LRRC75A: variants seen among roughly 807,000 people sequenced by gnomAD.
LRRC75A encodes leucine-rich repeat-containing protein 75A.
A neutral mutation model predicts 26.0 loss-of-function variants in LRRC75A; 12 were observed. The ratio of observed to expected loss-of-function variants is 0.46; its 90% confidence interval spans 0.30 to 0.75. The LOEUF (loss-of-function observed/expected upper bound fraction) is 0.75. LRRC75A is among the 30% of genes least tolerant of loss of function. The pLI is 0.08. For synonymous variants in LRRC75A, 223 were observed against 219.3 expected (o/e 1.02, Z -0.15); for missense variants, 410 against 486.6 (o/e 0.84, Z 1.48).
Position 16,447,834 on chromosome 17 carries a change from G to A in LRRC75A, c.491+11C>T. 1 of 1,530,300 alleles carries A rather than the reference G, an allele frequency of 6.5e-7. No homozygotes were observed. Among genetic ancestry groups the A allele is most frequent in the Non-Finnish European group, 8.8e-7 (1 of 1,133,942 alleles). The allele number at this position is 1,530,300 out of a possible 1,614,324, so 94.8% of individuals were successfully genotyped here. A position where few individuals can be genotyped will look rare whatever the true frequency, so the allele number is the denominator to read the frequency against. On this transcript the variant is annotated intron_variant, in intron 3 of 3. Coordinates refer to ENST00000470794, the MANE Select transcript of LRRC75A (RefSeq NM_001113567.3). ...GCCTGGCATAGACCTGCCCGGGGGAGTGTAACTCACCAGGCCTGTGGCTTC... is the reference window on the plus strand; with the variant it reads ...GCCTGGCATAGACCTGCCCGGGGGAATGTAACTCACCAGGCCTGTGGCTTC...
At chr17:16,467,937 CA>C (rs529485465) in intron 1 of LRRC75A, among the ~76,000 whole-genome samples, 378 of 152,348 alleles carry the variant, frequency 2.5e-3, no homozygotes, top group African/African-American at 8.9e-3. Flanking sequence ...ACTACTCCAA[CA>C]TCCCCCACTT....
At chr17:16,460,541 C>T (rs945030722) in intron 2 of LRRC75A, among the ~76,000 whole-genome samples, 6 of 151,948 alleles carry the variant, frequency 3.9e-5, no homozygotes, top group African/African-American at 4.8e-5. Context: ...GAGGGGAGCT[C>T]GGCTGCTCCC....
At chr17:16,446,916 C>A (rs1255320375) in intron 3 of LRRC75A, 3 of 369,664 alleles carry the variant, frequency 8.1e-6, no homozygotes, top group Non-Finnish European at 1.1e-5. Context: ...TCTCCAGGAT[C>A]CATCTCCTAG....
chr17:16,484,292 C>T (rs183967851), intron 1 of LRRC75A, among the ~76,000 whole-genome samples: 199 of 152,140 alleles, frequency 1.3e-3, no homozygotes, highest in African/African-American at 4.5e-3. Flanking sequence ...GCCAAGATGG[C>T]GCCATTGCAC....
At chr17:16,449,525 G>A (rs530061763) in intron 2 of LRRC75A, among the ~76,000 whole-genome samples, 37 of 152,230 alleles carry the variant, frequency 2.4e-4, no homozygotes, top group African/African-American at 5.5e-4. Flanking sequence ...AGTGAATACC[G>A]TGATAGCGGC....
At chr17:16,447,994 G>T (rs1267473944) in intron 2 of LRRC75A, 34 bp from the exon 3 acceptor site, 2 of 1,522,308 alleles carry the variant, frequency 1.3e-6, no homozygotes, top group Admixed American at 3.9e-5. Context: ...AGGGCCCTGA[G>T]TGGCTGGGTG....
At chr17:16,483,641 T>C (rs1313893009) in intron 1 of LRRC75A, among the ~76,000 whole-genome samples, 1 of 152,176 alleles carries the variant, frequency 6.6e-6, no homozygotes, top group East Asian at 1.9e-4. Context: ...ATTCTGGAAC[T>C]GGGGAAACTG....
Position 16,443,894 on chromosome 17 carries a change from G to A in LRRC75A, c.729C>T (p.Thr243=). The part of the protein sequence containing the change: ...TTLALNGNRL[T]RAVLRDLTDI... ...CAGTGAGGTCGCGCAGCACGGCCCG[G>A]GTCAACCGGTTGCCATTGAGTGCCA... Residue 243 remains threonine (T), a synonymous_variant, in exon 4 of 4, where the codon ACC becomes ACT. Transcript: ENST00000470794. 3 of 1,613,410 alleles carry A rather than the reference G, an allele frequency of 1.9e-6. No homozygotes were observed. The highest frequency in any genetic ancestry group is 2.5e-6 in the Non-Finnish European group (3 of 1,179,480).
intron 1 of LRRC75A, among the ~76,000 whole-genome samples, chr17:16,468,490 T>C (rs1446681019): frequency 1.3e-5 from 2 of 152,158 alleles, no homozygotes; most frequent in African/African-American, 4.8e-5. Context: ...GTTTCACTTA[T>C]ATGAGGTATG....
At position 16,476,985 on chromosome 17, in the gene LRRC75A, G is replaced by A. The variant is rs369958129; in HGVS notation, c.247-14599C>T. Among the ~76,000 whole-genome samples, 918 of 151,484 alleles carry A rather than the reference G, an allele frequency of 6.1e-3. 9 individuals are homozygous for A. The highest frequency in any genetic ancestry group is 0.026 in the South Asian group (122 of 4,770). On this transcript the variant is annotated intron_variant, in intron 1 of 3. Coordinates refer to ENST00000470794, the MANE Select transcript of LRRC75A (RefSeq NM_001113567.3). ...AATCTCCTGACCTTGTGATCCGCCC[G>A]CCTTGGCCTCCCAAAGTGCTGGGAT...
chr17:16,480,767 C>T (rs1040755316), intron 1 of LRRC75A, among the ~76,000 whole-genome samples: 3 of 152,180 alleles, frequency 2.0e-5, no homozygotes, highest in Admixed American at 2.0e-4. Flanking sequence ...AGGGGCAGCA[C>T]AGGTCCTCTG....
chr17:16,480,447 C>T (rs568326945), intron 1 of LRRC75A, among the ~76,000 whole-genome samples: 2 of 151,968 alleles, frequency 1.3e-5, no homozygotes, highest in South Asian at 4.2e-4. Context: ...CTGAGCAACA[C>T]GGTGAAACCC....
intron 2 of LRRC75A, among the ~76,000 whole-genome samples, chr17:16,453,350 A>G (rs376056801): frequency 3.6e-5 from 4 of 109,746 alleles, no homozygotes; most frequent in Admixed American, 8.7e-5. Context: ...ACGCACACGC[A>G]CACACACACA....
At chr17:16,450,037 G>T (rs1338770280) in intron 2 of LRRC75A, among the ~76,000 whole-genome samples, 2 of 152,220 alleles carry the variant, frequency 1.3e-5, no homozygotes, top group Non-Finnish European at 2.9e-5. Context: ...CGGCTGTGGG[G>T]TGTGTTACTG....
intron 1 of LRRC75A, among the ~76,000 whole-genome samples, chr17:16,474,995 CA>C (rs551285458): frequency 0.079 from 6,108 of 77,140 alleles, 316 homozygotes; most frequent in African/African-American, 0.21. Context: ...GACTCCGTCT[CA>C]AAAAAAAAAA....
rs751269172 is a variant in LRRC75A at position 16,447,824 on chromosome 17, G to GC, written c.491+20dup. 2.4e-5 allele frequency: 36 copies of GC among 1,513,408 alleles called. No homozygotes were observed. The African/African-American group carries it at 3.2e-4, about 13-fold the overall frequency. The allele number at this position is 1,513,408 out of a possible 1,614,324, so 93.7% of individuals were successfully genotyped here. On this transcript the variant is annotated intron_variant, in intron 3 of 3. Coordinates refer to ENST00000470794, the MANE Select transcript of LRRC75A (RefSeq NM_001113567.3). ...CACACACTCAGCCTGGCATAGACCT[G>GC]CCCGGGGGAGTGTAACTCACCAGGC...
At chr17:16,451,906 G>A (rs143788611) in intron 2 of LRRC75A, among the ~76,000 whole-genome samples, 5 of 139,116 alleles carry the variant, frequency 3.6e-5, no homozygotes, top group Admixed American at 7.2e-5. Context: ...CAACATGCCC[G>A]GCTAATTTTT....
At chr17:16,469,534 T>C (rs573063755) in intron 1 of LRRC75A, among the ~76,000 whole-genome samples, 110 of 152,330 alleles carry the variant, frequency 7.2e-4, no homozygotes, top group African/African-American at 2.5e-3. Context: ...CTTGTCCCCA[T>C]GACGGCCTCC....
At chr17:16,477,101 C>A (rs1220042796) in intron 1 of LRRC75A, among the ~76,000 whole-genome samples, 1 of 151,736 alleles carries the variant, frequency 6.6e-6, no homozygotes, top group Non-Finnish European at 1.5e-5. Flanking sequence ...GGCAGGCTGG[C>A]CTCAAACTCC....
Sources: allele counts gnomAD v4.1 joint callset (sites outside exome capture counted in the v4.1 genomes callset), GRCh38; gene constraint gnomAD v4.1.1; transcripts MANE v1.5; gene names NCBI Gene and HGNC (gene_info 2026-07-23, HGNC 2026-07-21).